The following DISP1 variants were observed in gnomAD, a reference collection of about 807,000 sequenced individuals.
The protein encoded by DISP1 is dispatched RND transporter family member 1.
A neutral mutation model predicts 37.3 loss-of-function variants in DISP1; 30 were observed. The ratio of observed to expected loss-of-function variants is 0.80; its 90% CI spans 0.60 to 1.09. The LOEUF (loss-of-function observed/expected upper bound fraction) is 1.09. DISP1 is among the 50% of genes least tolerant of loss of function. The probability of loss-of-function intolerance (pLI) is 0.00; values close to 1 mark genes in which losing one functional copy is unlikely to be tolerated. For synonymous variants in DISP1, 634 were observed against 690.2 expected, an observed-to-expected ratio of 0.92 and a Z score of 1.28; for missense variants, 1,598 against 1,879.5, an observed-to-expected ratio of 0.85 and a Z score of 2.77.
chr1:222,936,850 A>G (rs1347274498), intron 2 of DISP1, among the ~76,000 whole-genome samples: 1 of 62,566 alleles, frequency 1.6e-5, no homozygotes, highest in Non-Finnish European at 2.8e-5. Flanking sequence ...TATCATATAT[A>G]TGATATATAA....
At chr1:222,916,811 T>C (rs955199319) in intron 1 of DISP1, among the ~76,000 whole-genome samples, 1 of 152,182 alleles carries the variant, frequency 6.6e-6, no homozygotes, top group Admixed American at 6.6e-5. Context: ...TTATTTCTTA[T>C]CTTTTCACAA....
At chr1:222,981,738 G>A (rs1159158130) in intron 3 of DISP1, among the ~76,000 whole-genome samples, 4 of 152,194 alleles carry the variant, frequency 2.6e-5, no homozygotes, top group African/African-American at 9.7e-5. Context: ...GCTTGAAGTA[G>A]GAAGTTTGGA....
At chr1:222,883,731 T>G (rs1405970597) in intron 1 of DISP1, among the ~76,000 whole-genome samples, 1 of 152,206 alleles carries the variant, frequency 6.6e-6, no homozygotes, top group Non-Finnish European at 1.5e-5. Flanking sequence ...TGGTGGTAAG[T>G]GTGCTTGCAA....
At chr1:222,853,549 T>A (rs994852987) in intron 1 of DISP1, among the ~76,000 whole-genome samples, 4 of 152,092 alleles carry the variant, frequency 2.6e-5, no homozygotes, top group African/African-American at 7.2e-5. Flanking sequence ...CACGGAACAC[T>A]ATTTGGCCGT....
chr1:222,973,251 G>A (rs1043810438), intron 3 of DISP1, among the ~76,000 whole-genome samples: 2 of 152,098 alleles, frequency 1.3e-5, no homozygotes, highest in African/African-American at 4.8e-5. Context: ...ACTAATTTAT[G>A]AACATATGCT....
Position 222,991,561 on chromosome 1 carries a change from C to A in DISP1, c.705C>A (p.Val235=). 1.2e-6 allele frequency: 2 copies of A among 1,613,724 alleles called. No individual in the cohort carries two copies. The highest frequency in any genetic ancestry group is 2.2e-5 in the South Asian group (2 of 91,012). Residue 235 remains valine, a synonymous_variant, in exon 6 of 9, where the codon GTC becomes GTA. Coordinates refer to ENST00000675850, the MANE Select transcript of DISP1 (RefSeq NM_001377229.1). ...GAACAGCAATAGGCCAGAGATTGGT[C>A]ACATGGAATAATATGGTGAAAAATA... ...PRGTAIGQRL[V]TWNNMVKNTG...
intron 1 of DISP1, among the ~76,000 whole-genome samples, chr1:222,835,436 G>A (rs1487344246): frequency 6.6e-6 from 1 of 151,996 alleles, no homozygotes; most frequent in Non-Finnish European, 1.5e-5. Context: ...GCACTACTAT[G>A]CTATATGACA....
chr1:222,830,439 G>A (rs1341198296), intron 1 of DISP1, among the ~76,000 whole-genome samples: 1 of 151,534 alleles, frequency 6.6e-6, no homozygotes, highest in East Asian at 1.9e-4. Flanking sequence ...GGAGTGCCGT[G>A]GCCCGATCTC....
chr1:222,903,355 G>A (rs1188242145), intron 1 of DISP1, among the ~76,000 whole-genome samples: 4 of 149,652 alleles, frequency 2.7e-5, no homozygotes, highest in East Asian at 2.0e-4. Context: ...GCTAAATGAC[G>A]AGTTAATGGG....
intron 1 of DISP1, chr1:222,827,586 A>G (rs1664738012): frequency 1.3e-5 from 2 of 152,172 alleles, no homozygotes; most frequent in Non-Finnish European, 2.9e-5. Context: ...ATTCTTTGAC[A>G]AATTTTAATT....
rs1675232985 is a variant in DISP1, at chr1:222,951,682, T to C, written c.509+8350T>C. 2.6e-5 allele frequency among the ~76,000 whole-genome samples: 4 copies of C among 152,228 alleles called. No homozygotes were observed. In the South Asian group the frequency reaches 8.3e-4, roughly 32 times the overall value. ...GAATGGAGAAATTCAGAGTTAGTTA[T>C]TCACTTATTTAGCAAGTGCTTGATG... On this transcript the variant is annotated intron_variant, in intron 3 of 8. Transcript: ENST00000675850.
chr1:222,841,962 A>AT (rs1315900358), intron 1 of DISP1, among the ~76,000 whole-genome samples: 2 of 152,092 alleles, frequency 1.3e-5, no homozygotes, highest in Non-Finnish European at 2.9e-5. Flanking sequence ...ACATCTTTCA[A>AT]TTATTTTTGT....
In DISP1 at chr1:222,883,012, T is replaced by C. The variant is rs1460798944; in HGVS notation, c.-158-45418T>C. Among the ~76,000 whole-genome samples the C allele has an allele frequency of 3.9e-5, 6 of 152,304 alleles. No homozygotes were observed. The East Asian group carries it at 5.8e-4, about 15-fold the overall frequency. ...AATCTCCATATAGTGAAGAAACTTATGAGATAGTACTAGTCATAAAAGAAA... is the reference window on the plus strand; with the variant it reads ...AATCTCCATATAGTGAAGAAACTTACGAGATAGTACTAGTCATAAAAGAAA... On this transcript the variant is annotated intron_variant, in intron 1 of 8. Coordinates refer to ENST00000675850, the MANE Select transcript of DISP1 (RefSeq NM_001377229.1).
At chr1:222,932,139 G>A (rs572271216) in intron 2 of DISP1, among the ~76,000 whole-genome samples, 9 of 151,936 alleles carry the variant, frequency 5.9e-5, no homozygotes, top group Non-Finnish European at 1.2e-4. Flanking sequence ...AATATTTTGA[G>A]TGGCAGTTGC....
intron 1 of DISP1, among the ~76,000 whole-genome samples, chr1:222,824,626 T>C (rs1053820687): frequency 1.3e-5 from 2 of 152,126 alleles, no homozygotes; most frequent in Non-Finnish European, 2.9e-5. Flanking sequence ...TTTTTTTTTT[T>C]CCAGGATGGT....
intron 1 of DISP1, among the ~76,000 whole-genome samples, chr1:222,907,980 G>T (rs938939251): frequency 4.6e-5 from 7 of 152,068 alleles, no homozygotes; most frequent in African/African-American, 7.2e-5. Flanking sequence ...ATAAAGATTT[G>T]ATTATTTAGT....
intron 1 of DISP1, among the ~76,000 whole-genome samples, chr1:222,856,605 A>C (rs1668559251): frequency 6.6e-6 from 1 of 152,122 alleles, no homozygotes; most frequent in Non-Finnish European, 1.5e-5. Flanking sequence ...TGTCATGGAA[A>C]GCATCTGCTG....
intron 4 of DISP1, among the ~76,000 whole-genome samples, chr1:222,984,435 T>TATATATAGAGAGAGAG (rs67660273): frequency 2.8e-5 from 3 of 108,398 alleles, no homozygotes; most frequent in East Asian, 2.6e-4. Flanking sequence ...TATATATATA[T>TATATATAGAGAGAGAG]AGAGAGAGAG....
chr1:222,996,437 G>A (rs1484359017), intron 8 of DISP1, among the ~76,000 whole-genome samples: 1 of 152,086 alleles, frequency 6.6e-6, no homozygotes, highest in Non-Finnish European at 1.5e-5. Flanking sequence ...AAGCCAGTCT[G>A]GTTACTTTAT....
Sources: allele counts gnomAD v4.1 joint callset (sites outside exome capture counted in the v4.1 genomes callset), GRCh38; gene constraint gnomAD v4.1.1; transcripts MANE v1.5; gene names NCBI Gene and HGNC (gene_info 2026-07-23, HGNC 2026-07-21).